GALNT13: variants seen among roughly 807,000 people sequenced by gnomAD.
GALNT13 encodes polypeptide N-acetylgalactosaminyltransferase 13, also known as UDP-GalNAc:polypeptide N-acetylgalactosaminyltransferase 13.
GALNT13 carries 28 observed loss-of-function variants against 64.2 expected under a neutral mutation model. The observed-to-expected ratio is 0.44, with a 90% CI of 0.32 to 0.60. The LOEUF (loss-of-function observed/expected upper bound fraction) is 0.60. Among genes scored for constraint, GALNT13 ranks in the 20% least tolerant of loss-of-function variants. The pLI, the probability that GALNT13 is intolerant of heterozygous loss-of-function variation, is 0.05. For synonymous variants in GALNT13, 214 were observed against 224.6 expected (o/e 0.95, Z 0.42); for missense variants, 577 against 669.8 (o/e 0.86, Z 1.53).
At chr2:153,631,579 T>C in the GALNT13 span, among the ~76,000 whole-genome samples, 18 of 152,252 alleles carry the variant, frequency 1.2e-4, no homozygotes, top group Admixed American at 3.3e-4. Context: ...GAGCATTTTT[T>C]CATGTATCTG....
At chr2:153,293,905 C>A in the GALNT13 span, among the ~76,000 whole-genome samples, 1 of 152,056 alleles carries the variant, frequency 6.6e-6, no homozygotes, top group Non-Finnish European at 1.5e-5. Flanking sequence ...GATCTTCCAT[C>A]TCCCAGGCTC....
rs142747683 is a variant in GALNT13, at chr2:154,033,060, A to G, written c.142+88421A>G. Among the ~76,000 whole-genome samples, 590 of 151,924 alleles carry G rather than the reference A, an allele frequency of 3.9e-3. 2 individuals are homozygous for G. Among genetic ancestry groups the G allele is most frequent in the African/African-American group, 0.014 (565 of 41,518 alleles). On this transcript the variant is annotated intron_variant, in intron 3 of 12. Coordinates refer to ENST00000392825, the MANE Select transcript of GALNT13 (RefSeq NM_052917.4). ...ACCATTATTATTAATTAATTTTCTT[A>G]AAAAGGTGCAGAAAATTCAATAGAG...
At chr2:154,297,240 G>T (rs926994451) in intron 8 of GALNT13, among the ~76,000 whole-genome samples, 2 of 152,152 alleles carry the variant, frequency 1.3e-5, no homozygotes, top group African/African-American at 4.8e-5. Context: ...AAAACAAATT[G>T]CAGAAAGCAA....
At chr2:153,325,994 C>T in the GALNT13 span, among the ~76,000 whole-genome samples, 57 of 152,110 alleles carry the variant, frequency 3.7e-4, no homozygotes, top group African/African-American at 1.4e-3. Context: ...GTGGAGAGTT[C>T]TGTAGATGTC....
At chr2:154,252,880 CT>C (rs1690163603) in intron 7 of GALNT13, among the ~76,000 whole-genome samples, 1 of 151,990 alleles carries the variant, frequency 6.6e-6, no homozygotes, top group Non-Finnish European at 1.5e-5. Flanking sequence ...GTTAGGGGTC[CT>C]TGAACAAGGG....
chr2:154,382,512 T>C (rs927519625), intron 9 of GALNT13, among the ~76,000 whole-genome samples: 1 of 152,076 alleles, frequency 6.6e-6, no homozygotes, highest in African/African-American at 2.4e-5. Flanking sequence ...TAGAAGAAGA[T>C]AAATACTGCA....
At chr2:153,550,114 A>G in the GALNT13 span, among the ~76,000 whole-genome samples, 1 of 152,236 alleles carries the variant, frequency 6.6e-6, no homozygotes, top group African/African-American at 2.4e-5. Flanking sequence ...ATACCATTTA[A>G]GAGCCTGGCT....
chr2:154,376,265 TAG>T (rs1296971136), intron 9 of GALNT13, among the ~76,000 whole-genome samples: 1 of 152,162 alleles, frequency 6.6e-6, no homozygotes, highest in East Asian at 1.9e-4. Context: ...TCATCTTCAT[TAG>T]AGTCTGCCTA....
At chr2:154,444,389 T>C (rs1290008936) in intron 12 of GALNT13, among the ~76,000 whole-genome samples, 1 of 152,042 alleles carries the variant, frequency 6.6e-6, no homozygotes, top group Non-Finnish European at 1.5e-5. Flanking sequence ...AAAACATAAA[T>C]AAAAATCATT....
intron 3 of GALNT13, among the ~76,000 whole-genome samples, chr2:154,014,585 TTG>T (rs1491063861): frequency 7.8e-5 from 9 of 115,378 alleles, no homozygotes; most frequent in South Asian, 2.8e-4. Flanking sequence ...CTGTTTTTTT[TTG>T]TTGTTGTTGT....
the GALNT13 span, among the ~76,000 whole-genome samples, chr2:153,412,214 TA>T: frequency 1.3e-5 from 2 of 152,102 alleles, no homozygotes; most frequent in South Asian, 4.1e-4. Context: ...TCTGTCCCTC[TA>T]GGGAACCCTG....
chr2:153,327,070 C>T, the GALNT13 span, among the ~76,000 whole-genome samples: 4 of 151,714 alleles, frequency 2.6e-5, no homozygotes, highest in East Asian at 1.9e-4. Flanking sequence ...GGTGATGGAG[C>T]GAGACTCTGT....
chr2:154,448,039 AAGG>A (rs1701682793), intron 12 of GALNT13, among the ~76,000 whole-genome samples: 1 of 152,004 alleles, frequency 6.6e-6, no homozygotes, highest in Non-Finnish European at 1.5e-5. Flanking sequence ...AGTCTGTTGC[AAGG>A]AGATGAGATC....
chr2:154,111,723 C>A (rs991920091), intron 3 of GALNT13, among the ~76,000 whole-genome samples: 2 of 152,088 alleles, frequency 1.3e-5, no homozygotes, highest in African/African-American at 4.8e-5. Context: ...GAAAGAGCAC[C>A]ATATATTGGA....
At chr2:153,208,713 T>C in the GALNT13 span, among the ~76,000 whole-genome samples, 1 of 152,288 alleles carries the variant, frequency 6.6e-6, no homozygotes. Flanking sequence ...TTTAACTTGA[T>C]AGGTAATTAT....
At chr2:153,246,754 A>G in the GALNT13 span, among the ~76,000 whole-genome samples, 1 of 152,180 alleles carries the variant, frequency 6.6e-6, no homozygotes, top group Non-Finnish European at 1.5e-5. Context: ...GTGCAAAATA[A>G]CCAGCTGGCA....
chr2:153,800,084 C>CTCTCTCTCTCTCTCTCTCTCTCTCT, the GALNT13 span, among the ~76,000 whole-genome samples: 4 of 145,730 alleles, frequency 2.7e-5, no homozygotes, highest in Non-Finnish European at 6.1e-5. Flanking sequence ...CTCTCTCTCT[C>CTCTCTCTCTCTCTCTCTCTCTCTCT]CACCCCCCAC....
At chr2:153,290,328 T>C in the GALNT13 span, among the ~76,000 whole-genome samples, 21 of 152,314 alleles carry the variant, frequency 1.4e-4, no homozygotes, top group African/African-American at 4.1e-4. Flanking sequence ...GTATGGCTGT[T>C]TCACAAAGAA....
the GALNT13 span, among the ~76,000 whole-genome samples, chr2:153,557,835 A>G: frequency 6.6e-6 from 1 of 152,110 alleles, no homozygotes; most frequent in African/African-American, 2.4e-5. Context: ...CTTATAACCT[A>G]TCTGACCTCC....
Sources: gnomAD v4.1 joint callset for allele counts (sites outside exome capture counted in the v4.1 genomes callset) on GRCh38, gnomAD v4.1.1 for gene constraint, MANE v1.5 for transcripts, NCBI Gene and HGNC (gene_info 2026-07-23, HGNC 2026-07-21) for gene names.